The following PIK3C2G variants were observed in gnomAD, a reference collection of about 807,000 sequenced individuals.
PIK3C2G encodes the protein phosphatidylinositol 3-kinase C2 domain-containing subunit gamma.
PIK3C2G carries 168 observed loss-of-function variants against 181.1 expected under a neutral mutation model. That is an observed-to-expected ratio of 0.93 (90% CI 0.82 to 1.05). The LOEUF (loss-of-function observed/expected upper bound fraction) is 1.05. Ranked by LOEUF, PIK3C2G falls within the 50% of genes least tolerant of loss-of-function variation. The pLI is 0.00. For synonymous variants in PIK3C2G, 573 were observed against 592.2 expected (o/e 0.97, Z 0.47); for missense variants, 1,869 against 1,732.8 (o/e 1.08, Z -1.40).
intron 13 of PIK3C2G, chr12:18,372,845 G>C (rs1445771033): frequency 6.6e-6 from 1 of 152,106 alleles, no homozygotes; most frequent in Non-Finnish European, 1.5e-5. Flanking sequence ...CTTACCACTG[G>C]TAAGCACGTT....
At chr12:18,279,646 T>C (rs1949129472) in intron 1 of PIK3C2G, among the ~76,000 whole-genome samples, 1 of 151,998 alleles carries the variant, frequency 6.6e-6, no homozygotes, top group African/African-American at 2.4e-5. Context: ...AATTCTGAGT[T>C]CCATGATAGA....
At chr12:18,448,378 T>C (rs1388784701) in intron 18 of PIK3C2G, among the ~76,000 whole-genome samples, 2 of 152,184 alleles carry the variant, frequency 1.3e-5, no homozygotes, top group Non-Finnish European at 2.9e-5. Flanking sequence ...ATTAATCATC[T>C]CACATAGTTA....
At chr12:18,655,990 A>G in the PIK3C2G span, among the ~76,000 whole-genome samples, 71,005 of 151,988 alleles carry the variant, frequency 0.47, 17,245 homozygotes, top group East Asian at 0.66. Context: ...AATTTTAATT[A>G]AAGTGGACTT....
chr12:18,554,561 G>C (rs1320082420), intron 26 of PIK3C2G, among the ~76,000 whole-genome samples: 2 of 152,014 alleles, frequency 1.3e-5, no homozygotes, highest in African/African-American at 2.4e-5. Flanking sequence ...AAGAATAAAA[G>C]TGCATAGAAA....
At chr12:18,584,518 A>T (rs1231430554) in intron 29 of PIK3C2G, among the ~76,000 whole-genome samples, 1 of 152,190 alleles carries the variant, frequency 6.6e-6, no homozygotes, top group Non-Finnish European at 1.5e-5. Context: ...AGAAACGAAC[A>T]AAACCTCTGA....
upstream of PIK3C2G, among the ~76,000 whole-genome samples, chr12:18,245,921 G>T (rs10840988): frequency 0.43 from 65,438 of 151,808 alleles, 14,654 homozygotes; most frequent in East Asian, 0.75. Flanking sequence ...GCCACTAGTC[G>T]AATATTGCAC....
intron 5 of PIK3C2G, among the ~76,000 whole-genome samples, chr12:18,306,481 C>G (rs543999808): frequency 3.5e-4 from 53 of 152,140 alleles, no homozygotes; most frequent in African/African-American, 1.2e-3. Flanking sequence ...AGTGAAACAA[C>G]GTATCACTGA....
downstream of PIK3C2G, among the ~76,000 whole-genome samples, chr12:18,653,306 C>A (rs79900594): frequency 0.034 from 5,165 of 152,202 alleles, 271 homozygotes; most frequent in African/African-American, 0.12. Flanking sequence ...ATAGGAAAAA[C>A]TCCAGTGATA....
At chr12:18,711,164 G>A in the PIK3C2G span, among the ~76,000 whole-genome samples, 1 of 151,934 alleles carries the variant, frequency 6.6e-6, no homozygotes, top group Non-Finnish European at 1.5e-5. Flanking sequence ...ACTGGATTAA[G>A]AAAATGGGGA....
chr12:18,505,468 G>A lies in PIK3C2G; in HGVS notation c.3323+7G>A, dbSNP rs1240991116. 1.9e-6 allele frequency: 3 copies of A among 1,604,998 alleles called. No homozygotes were observed. The stretch of plus-strand genomic sequence containing the variant: ...CATTTGGAGGGATAAAAAGGTCAGT[G>A]CACAAATGTTTATTACAGTAATTAA... On this transcript the variant is annotated splice_region_variant and intron_variant, in intron 24 of 32. Coordinates refer to ENST00000538779, the MANE Select transcript of PIK3C2G (RefSeq NM_001288772.2).
intron 24 of PIK3C2G, among the ~76,000 whole-genome samples, chr12:18,521,762 C>A (rs1004888745): frequency 1.3e-5 from 2 of 152,250 alleles, no homozygotes; most frequent in East Asian, 3.9e-4. Context: ...GCTTAGACAG[C>A]AGGCAACTGC....
intron 8 of PIK3C2G, among the ~76,000 whole-genome samples, chr12:18,334,533 C>T (rs1044620695): frequency 6.6e-6 from 1 of 152,112 alleles, no homozygotes; most frequent in African/African-American, 2.4e-5. Flanking sequence ...CTTATGTCTC[C>T]ACACTAAGTG....
intron 30 of PIK3C2G, among the ~76,000 whole-genome samples, chr12:18,595,876 C>G (rs1294410785): frequency 1.3e-5 from 2 of 152,156 alleles, no homozygotes; most frequent in African/African-American, 2.4e-5. Context: ...AAACTCTCAT[C>G]ATGGGATTCC....
intron 29 of PIK3C2G, among the ~76,000 whole-genome samples, chr12:18,592,889 G>T (rs748233389): frequency 1.3e-5 from 2 of 151,884 alleles, no homozygotes; most frequent in Non-Finnish European, 2.9e-5. Context: ...TAGATGGTTT[G>T]CCAGGGCTGC....
chr12:18,503,264 T>G lies in PIK3C2G; in HGVS notation c.3017-17T>G. ...TGATGAAGGAATTGTCTCTGTAATCTTTTTTTTCTCTACCAGGATTGGTGC... is the reference window on the plus strand; with the variant it reads ...TGATGAAGGAATTGTCTCTGTAATCGTTTTTTTCTCTACCAGGATTGGTGC... On this transcript the variant is annotated splice_polypyrimidine_tract_variant and intron_variant, in intron 22 of 32. Transcript: ENST00000538779. The G allele has an allele frequency of 1.9e-6, 3 of 1,560,710 alleles. No homozygotes were observed. Among genetic ancestry groups the G allele is most frequent in the South Asian group, 2.4e-5 (2 of 82,788 alleles).
the PIK3C2G span, chr12:18,723,552 A>G: frequency 2.5e-6 from 4 of 1,599,700 alleles, no homozygotes; most frequent in Non-Finnish European, 3.4e-6. Context: ...CCTACTAAAA[A>G]AATGACTGGT....
At chr12:18,464,667 A>C (rs1937658992) in intron 18 of PIK3C2G, among the ~76,000 whole-genome samples, 1 of 152,074 alleles carries the variant, frequency 6.6e-6, no homozygotes, top group Non-Finnish European at 1.5e-5. Flanking sequence ...TATATTATTT[A>C]GTTTTATGTG....
the PIK3C2G span, among the ~76,000 whole-genome samples, chr12:18,674,672 T>C: frequency 2.4e-4 from 36 of 152,194 alleles, no homozygotes; most frequent in Admixed American, 4.6e-4. Context: ...ACTACTCCCA[T>C]GAAGAGGCAA....
In PIK3C2G at chr12:18,572,573, C is replaced by G. The variant is rs561096655; in HGVS notation, c.4011+5516C>G. ...AATCTACTCAGATGTAATGTTGTTACTTTTATCATGCTTGAGCTTCAGAGG... is the reference window on the plus strand; with the variant it reads ...AATCTACTCAGATGTAATGTTGTTAGTTTTATCATGCTTGAGCTTCAGAGG... On this transcript the variant is annotated intron_variant, in intron 29 of 32. Transcript: ENST00000538779. Among the ~76,000 whole-genome samples, 7 of 151,548 alleles carry G rather than the reference C, an allele frequency of 4.6e-5. No homozygotes were observed. In the South Asian group the frequency reaches 1.0e-3, roughly 22 times the overall value.
Sources: gnomAD v4.1 joint callset for allele counts (sites outside exome capture counted in the v4.1 genomes callset) on GRCh38, gnomAD v4.1.1 for gene constraint, MANE v1.5 for transcripts, NCBI Gene and HGNC (gene_info 2026-07-23, HGNC 2026-07-21) for gene names.